ATP8A2: variants seen among roughly 807,000 people sequenced by gnomAD.
The protein encoded by ATP8A2 is ATPase phospholipid transporting 8A2.
A neutral mutation model predicts 165.6 loss-of-function variants in ATP8A2; 100 were observed. The ratio of observed to expected loss-of-function variants is 0.60; its 90% CI spans 0.51 to 0.71. The LOEUF (loss-of-function observed/expected upper bound fraction) is 0.71, where lower values mean the gene tolerates loss of function less well. Ranked by LOEUF, ATP8A2 falls within the 30% of genes least tolerant of loss-of-function variation. The pLI is 0.00. For synonymous variants in ATP8A2, 543 were observed against 548.8 expected (o/e 0.99, Z 0.15); for missense variants, 1,227 against 1,479.5 (o/e 0.83, Z 2.80).
chr13:25,584,192 A>C (rs1249878776), intron 23 of ATP8A2, among the ~76,000 whole-genome samples: 2 of 152,184 alleles, frequency 1.3e-5, no homozygotes, highest in Admixed American at 6.5e-5. Context: ...TTGTGATTTA[A>C]AGTATCTGTC....
intron 24 of ATP8A2, among the ~76,000 whole-genome samples, chr13:25,653,955 T>C (rs1262005350): frequency 6.6e-6 from 1 of 151,996 alleles, no homozygotes; most frequent in Non-Finnish European, 1.5e-5. Context: ...ACCAGGTGAA[T>C]GGGATACCTC....
intron 35 of ATP8A2, among the ~76,000 whole-genome samples, chr13:25,984,236 C>CAAAAAA (rs34808241): frequency 6.9e-6 from 1 of 144,768 alleles, no homozygotes; most frequent in Non-Finnish European, 1.5e-5. Flanking sequence ...GAAACCGTCT[C>CAAAAAA]AAAAAAAAAA....
chr13:25,842,808 G>T (rs931784040), intron 30 of ATP8A2, among the ~76,000 whole-genome samples: 1 of 152,102 alleles, frequency 6.6e-6, no homozygotes, highest in Admixed American at 6.5e-5. Flanking sequence ...AAGAAACTGG[G>T]ACTTAACTGT....
intron 27 of ATP8A2, among the ~76,000 whole-genome samples, chr13:25,785,741 G>C (rs748352507): frequency 1.3e-5 from 2 of 152,132 alleles, no homozygotes; most frequent in Non-Finnish European, 2.9e-5. Flanking sequence ...AACTGCTTTA[G>C]GGTGATAGAA....
chr13:25,412,696 A>G (rs2034004084), intron 1 of ATP8A2, among the ~76,000 whole-genome samples: 1 of 152,176 alleles, frequency 6.6e-6, no homozygotes, highest in Non-Finnish European at 1.5e-5. Context: ...GGCCTAGGAA[A>G]TGGGGGAATC....
At chr13:25,993,819 G>A (rs112619702) in intron 35 of ATP8A2, among the ~76,000 whole-genome samples, 2,701 of 152,106 alleles carry the variant, frequency 0.018, 84 homozygotes, top group African/African-American at 0.061. Context: ...TTTAACAATT[G>A]TTCTTTTACC....
At chr13:25,792,974 A>G (rs368893966) in intron 27 of ATP8A2, among the ~76,000 whole-genome samples, 106 of 143,904 alleles carry the variant, frequency 7.4e-4, no homozygotes, top group South Asian at 2.7e-3. Context: ...AGGAGAGGGG[A>G]GGAGAGGAGA....
At chr13:25,549,986 C>T (rs747721414) in intron 10 of ATP8A2, among the ~76,000 whole-genome samples, 37 of 152,128 alleles carry the variant, frequency 2.4e-4, no homozygotes, top group African/African-American at 5.1e-4. Flanking sequence ...TAATCCCATC[C>T]GCAAAGTCCC....
At chr13:25,765,674 T>G (rs949318798) in intron 25 of ATP8A2, among the ~76,000 whole-genome samples, 2 of 152,220 alleles carry the variant, frequency 1.3e-5, no homozygotes, top group Non-Finnish European at 2.9e-5. Flanking sequence ...TTTTTGCTTT[T>G]TGGGAAAGGC....
At chr13:25,801,322 C>T (rs1342482234) in intron 27 of ATP8A2, among the ~76,000 whole-genome samples, 1 of 152,184 alleles carries the variant, frequency 6.6e-6, no homozygotes, top group Non-Finnish European at 1.5e-5. Flanking sequence ...AGTTAGTGCT[C>T]TGACCTGAGG....
intron 1 of ATP8A2, among the ~76,000 whole-genome samples, chr13:25,380,137 A>G (rs569602013): frequency 1.2e-4 from 18 of 152,202 alleles, no homozygotes; most frequent in Non-Finnish European, 2.2e-4. Flanking sequence ...CCCATGCAGC[A>G]TCAGAGAGAC....
chr13:25,839,214 A>C (rs1385188305), intron 29 of ATP8A2, among the ~76,000 whole-genome samples: 9 of 152,238 alleles, frequency 5.9e-5, no homozygotes. Flanking sequence ...TGTTTGTAAA[A>C]TGGTGTTGTC....
intron 25 of ATP8A2, among the ~76,000 whole-genome samples, chr13:25,736,918 G>A (rs61947344): frequency 0.045 from 6,860 of 152,172 alleles, 175 homozygotes; most frequent in Middle Eastern, 0.065. Context: ...GATAACTATC[G>A]ATTGGGGAAA....
At chr13:25,588,725 A>G (rs2039988244) in intron 23 of ATP8A2, among the ~76,000 whole-genome samples, 1 of 152,188 alleles carries the variant, frequency 6.6e-6, no homozygotes, top group Admixed American at 6.5e-5. Context: ...CCTTTTCTCA[A>G]TGAGAGAGAT....
chr13:25,648,572 G>C (rs1593132682), intron 24 of ATP8A2, among the ~76,000 whole-genome samples: 1 of 152,246 alleles, frequency 6.6e-6, no homozygotes, highest in South Asian at 2.1e-4. Context: ...TCTGAGGCAG[G>C]AGAATTGCTT....
rs115611700 is a variant in ATP8A2, at chr13:25,919,308, C to T, written c.3184-42267C>T. ...GCATCCAGCATATGGCAGATGATGTCAGCCAGGGATAGCCACTTACAACAT... is the reference window on the plus strand; with the variant it reads ...GCATCCAGCATATGGCAGATGATGTTAGCCAGGGATAGCCACTTACAACAT... On this transcript the variant is annotated intron_variant, in intron 33 of 36. Transcript: ENST00000381655. 9.6e-3 allele frequency among the ~76,000 whole-genome samples: 1,468 copies of T among 152,306 alleles called. 17 individuals are homozygous for T. The highest frequency in any genetic ancestry group is 0.03 in the African/African-American group (1,253 of 41,556).
chr13:25,467,803 G>A (rs1036546275), intron 1 of ATP8A2, among the ~76,000 whole-genome samples: 2 of 152,020 alleles, frequency 1.3e-5, no homozygotes, highest in African/African-American at 4.8e-5. Context: ...CGCCCGCTTC[G>A]GCCTCCCAAA....
chr13:25,852,409 A>T (rs900390116), intron 30 of ATP8A2, among the ~76,000 whole-genome samples: 13 of 152,112 alleles, frequency 8.5e-5, no homozygotes, highest in African/African-American at 2.4e-5. Context: ...GTCCACACCA[A>T]CTCAGAATAA....
At chr13:25,768,269 T>A (rs1358831819) in intron 25 of ATP8A2, among the ~76,000 whole-genome samples, 3 of 152,164 alleles carry the variant, frequency 2.0e-5, no homozygotes, top group African/African-American at 7.2e-5. Context: ...TGAATACCCC[T>A]CTGCTTTAGA....
Sources: allele counts gnomAD v4.1 joint callset (sites outside exome capture counted in the v4.1 genomes callset), GRCh38; gene constraint gnomAD v4.1.1; transcripts MANE v1.5; gene names NCBI Gene and HGNC (gene_info 2026-07-23, HGNC 2026-07-21).